The following PRSS12 variants were observed in gnomAD, a reference collection of about 807,000 sequenced individuals.
PRSS12 encodes neurotrypsin.
In PRSS12, 85 loss-of-function variants were observed where a neutral mutation model predicts 104.4. The ratio of observed to expected loss-of-function variants is 0.81; its 90% CI spans 0.68 to 0.98. The LOEUF is 0.98. Among genes scored for constraint, PRSS12 ranks in the 50% least tolerant of loss-of-function variants. PRSS12 has a pLI of 0.00. For missense variants in PRSS12, 1,141 were observed against 1,139.2 expected (o/e 1.00, Z -0.02); for synonymous variants, 454 against 425.2 (o/e 1.07, Z -0.83).
At chr4:118,331,600 G>T (rs951985531) in intron 4 of PRSS12, 116 bp downstream of exon 4, 1 of 1,393,430 alleles carries the variant, frequency 7.2e-7, no homozygotes, top group Non-Finnish European at 1.0e-6. Flanking sequence ...AGATCAAAAG[G>T]TAACTTGTCC....
At position 118,313,279 on chromosome 4, in the gene PRSS12, C is replaced by T; in HGVS notation, c.1411G>A (p.Gly471Arg). 6.2e-7 allele frequency: 1 copy of T among 1,614,064 alleles called. No homozygotes were observed. The highest frequency in any genetic ancestry group is 8.5e-7 in the Non-Finnish European group (1 of 1,180,008). The change falls in exon 7 of 13, where the codon GGA becomes AGA. Residue 471 changes from glycine to arginine, a missense_variant. Physicochemically the swap from Gly to Arg is moderately radical, Grantham distance 125. Transcript: ENST00000296498. ...RFLQCSRRQW[G>R]RHDCSHREDV... Reference sequence around the variant, plus strand: ...TCGCGGTGGCTGCAGTCATGCCTTCCCCACTGTCGCCTGGAACACTGAAGA... The same window carrying T: ...TCGCGGTGGCTGCAGTCATGCCTTCTCCACTGTCGCCTGGAACACTGAAGA...
At chr4:118,317,840 T>G (rs940308787) in intron 5 of PRSS12, among the ~76,000 whole-genome samples, 2 of 152,208 alleles carry the variant, frequency 1.3e-5, no homozygotes, top group Non-Finnish European at 2.9e-5. Context: ...TCCCTAAACA[T>G]GTAAGTACAT....
At chr4:118,295,100 G>C in intron 10 of PRSS12, 39 bp from the exon 11 acceptor site, 1 of 1,610,444 alleles carries the variant, frequency 6.2e-7, no homozygotes, top group East Asian at 2.2e-5. Context: ...GTCAGTAAAA[G>C]GCAAAAAAGC....
rs764509592 is a variant in PRSS12 at position 118,335,455 on chromosome 4, C to T, written c.820+18G>A. ...ACATAATGAAAGTAAAACAACAGAA[C>T]TTTTTTCTTTTTTTTACCATGGGAA... On this transcript the variant is annotated intron_variant, in intron 3 of 12. Transcript: ENST00000296498. 6.8e-6 allele frequency: 11 copies of T among 1,609,730 alleles called. No homozygotes were observed. The highest frequency in any genetic ancestry group is 9.3e-6 in the Non-Finnish European group (11 of 1,177,714).
chr4:118,315,732 G>A (rs1463884706), intron 6 of PRSS12, among the ~76,000 whole-genome samples: 1 of 152,148 alleles, frequency 6.6e-6, no homozygotes, highest in East Asian at 1.9e-4. Context: ...CTAACAAGAG[G>A]GCTGTTTTTC....
chr4:118,299,077 ATGAC>A, intron 8 of PRSS12, 139 bp from the exon 9 acceptor site: 1 of 976,132 alleles, frequency 1.0e-6, no homozygotes, highest in Non-Finnish European at 1.5e-6. Context: ...CATTTGTTTC[ATGAC>A]TGTCAAAAAA....
At chr4:118,346,957 G>A (rs1383371138) in intron 1 of PRSS12, among the ~76,000 whole-genome samples, 1 of 151,902 alleles carries the variant, frequency 6.6e-6, no homozygotes, top group Non-Finnish European at 1.5e-5. Context: ...GCACACATGC[G>A]TGTGCATGCA....
At chr4:118,294,014 C>T (rs1384201098) in intron 11 of PRSS12, among the ~76,000 whole-genome samples, 1 of 152,156 alleles carries the variant, frequency 6.6e-6, no homozygotes, top group African/African-American at 2.4e-5. Context: ...AGTTAAAATT[C>T]ATGGAGCAGT....
At chr4:118,350,331 A>AC (rs1724462934) in intron 1 of PRSS12, among the ~76,000 whole-genome samples, 1 of 152,128 alleles carries the variant, frequency 6.6e-6, no homozygotes, top group Non-Finnish European at 1.5e-5. Context: ...TTTTGTTCAC[A>AC]CCCCTAATTG....
rs1024526702 is a variant in PRSS12 at position 118,281,588 on chromosome 4, C to T, written c.*348G>A. The T allele has an allele frequency of 3.5e-5, 12 of 338,434 alleles. No homozygotes were observed. The highest frequency in any genetic ancestry group is 2.5e-4 in the African/African-American group (12 of 47,264). 21.0% of individuals were successfully genotyped at this position (338,434 alleles called of 1,614,324 possible). ...GGGTATTTAATATGATTTCAGACAC[C>T]ACTGATTCAATTAAAAGGGGTTCTC... On this transcript the variant is annotated 3_prime_UTR_variant, in exon 13 of 13. Transcript: ENST00000296498.
chr4:118,328,985 G>A (rs1465991487), intron 4 of PRSS12, among the ~76,000 whole-genome samples: 1 of 152,050 alleles, frequency 6.6e-6, no homozygotes. Context: ...GTAGAGACGG[G>A]GTTTCACCAT....
chr4:118,341,661 A>C (rs1274335752), intron 1 of PRSS12, among the ~76,000 whole-genome samples: 3 of 152,158 alleles, frequency 2.0e-5, no homozygotes, highest in African/African-American at 7.2e-5. Context: ...CAGCCTGGGC[A>C]ACAAGAGCAA....
chr4:118,291,701 G>C (rs1473815849), intron 11 of PRSS12, among the ~76,000 whole-genome samples: 1 of 152,032 alleles, frequency 6.6e-6, no homozygotes, highest in Admixed American at 6.6e-5. Flanking sequence ...ACAGTTGCTT[G>C]AGCACAGAAA....
At chr4:118,317,773 T>C (rs1219575914) in intron 5 of PRSS12, among the ~76,000 whole-genome samples, 2 of 152,234 alleles carry the variant, frequency 1.3e-5, no homozygotes, top group African/African-American at 4.8e-5. Flanking sequence ...AAGTTCTTTT[T>C]ACTAAATGGT....
Position 118,352,234 on chromosome 4 carries a change from A to C in PRSS12, c.487T>G (p.Cys163Gly). 6.2e-7 allele frequency: 1 copy of C among 1,612,070 alleles called. No homozygotes were observed. The highest frequency in any genetic ancestry group is 8.5e-7 in the Non-Finnish European group (1 of 1,179,750). ...DARGKVDWGY[C>G]DCRHGSVRLR... Reference sequence around the variant, plus strand: ...GGCCACTAACCGTGTCTGCAGTCGCAGTAGCCCCAGTCCACCTTGCCACGG... The same window carrying C: ...GGCCACTAACCGTGTCTGCAGTCGCCGTAGCCCCAGTCCACCTTGCCACGG... The change falls in exon 1 of 13, where the codon TGC becomes GGC. Residue 163 changes from cysteine to glycine, a missense_variant. Physicochemically the swap from Cys to Gly is radical, Grantham distance 159. Transcript: ENST00000296498.
At chr4:118,318,610 T>C (rs1239420052) in intron 4 of PRSS12, 54 bp from the exon 5 acceptor site, 1 of 1,552,842 alleles carries the variant, frequency 6.4e-7, no homozygotes, top group Non-Finnish European at 8.8e-7. Flanking sequence ...AGATTGGTCT[T>C]TTATTTTTTT....
rs1045594094 is a variant in PRSS12 at position 118,321,509 on chromosome 4, A to G, written c.972-2953T>C. 2.0e-5 allele frequency among the ~76,000 whole-genome samples: 3 copies of G among 152,212 alleles called. No individual in the cohort carries two copies. The East Asian group carries it at 5.8e-4, about 29-fold the overall frequency. On this transcript the variant is annotated intron_variant, in intron 4 of 12. Coordinates refer to ENST00000296498, the MANE Select transcript of PRSS12 (RefSeq NM_003619.4). ...GTTACTAAAACCTTCCAGGCTTAGG[A>G]TGCAAAGCTGAACACAGGGATGATA...
intron 1 of PRSS12, among the ~76,000 whole-genome samples, chr4:118,338,874 A>T (rs1724128755): frequency 6.6e-6 from 1 of 152,188 alleles, no homozygotes; most frequent in South Asian, 2.1e-4. Flanking sequence ...AACTTTCAGT[A>T]GTAGTCATTA....
At chr4:118,331,989 T>A (rs1723932408) in intron 3 of PRSS12, 123 bp from the exon 4 acceptor site, 2 of 1,227,062 alleles carry the variant, frequency 1.6e-6, no homozygotes, top group East Asian at 5.1e-5. Context: ...GCCACACCAG[T>A]GATATGGACA....
Sources: allele counts gnomAD v4.1 joint callset (sites outside exome capture counted in the v4.1 genomes callset), GRCh38; gene constraint gnomAD v4.1.1; transcripts MANE v1.5; gene names NCBI Gene and HGNC (gene_info 2026-07-23, HGNC 2026-07-21).